Variants in AADAC observed in about 807,000 individuals in gnomAD.
AADAC encodes arylacetamide deacetylase (esterase).
A neutral mutation model predicts 22.7 loss-of-function variants in AADAC; 17 were observed. The observed-to-expected ratio is 0.75, with a 90% CI of 0.51 to 1.12. AADAC has a LOEUF of 1.12. Ranked by LOEUF, AADAC falls within the 50% of genes most tolerant of loss-of-function variation. The probability of loss-of-function intolerance (pLI) is 0.00; values close to 1 mark genes in which losing one functional copy is unlikely to be tolerated. For missense variants in AADAC, 465 were observed against 473.9 expected, an observed-to-expected ratio of 0.98 and a Z score of 0.17; for synonymous variants, 167 against 176.3, an observed-to-expected ratio of 0.95 and a Z score of 0.42.
rs1299609957 is a variant in AADAC at position 151,824,651 on chromosome 3, TTC to T, written c.432-6_432-5del. ...AACAAAAAAATGTGTAAACTATGTTTTCTCTCTACAGCTACAGATTAGCACCT... is the reference window on the plus strand; with the variant it reads ...AACAAAAAAATGTGTAAACTATGTTTTCTCTACAGCTACAGATTAGCACCT... On this transcript the variant is annotated splice_polypyrimidine_tract_variant and intron_variant, in intron 3 of 4. Coordinates refer to ENST00000232892, the MANE Select transcript of AADAC (RefSeq NM_001086.3). The T allele has an allele frequency of 4.7e-6, 7 of 1,497,880 alleles. No homozygotes were observed. The highest frequency in any genetic ancestry group is 6.2e-6 in the Non-Finnish European group (7 of 1,124,510). 92.8% of individuals were successfully genotyped at this position (1,497,880 alleles called of 1,614,324 possible). A position where few individuals can be genotyped will look rare whatever the true frequency, so the allele number is the denominator to read the frequency against.
intron 1 of AADAC, 85 bp from the exon 2 acceptor site, chr3:151,817,281 A>G (rs139951223): frequency 8.7e-7 from 1 of 1,151,872 alleles, no homozygotes; most frequent in African/African-American, 1.5e-5. Flanking sequence ...TGAGTTTATT[A>G]AGGGTTAATG....
At chr3:151,815,984 G>C (rs1323636644) in intron 1 of AADAC, among the ~76,000 whole-genome samples, 4 of 152,022 alleles carry the variant, frequency 2.6e-5, no homozygotes, top group Non-Finnish European at 5.9e-5. Context: ...TCATTTACTA[G>C]TTGTGTAGGC....
Position 151,817,393 on chromosome 3 carries a change from C to T in AADAC, c.166C>T (p.His56Tyr). 2 of 1,613,582 alleles carry T rather than the reference C, an allele frequency of 1.2e-6. No homozygotes were observed. Among genetic ancestry groups the T allele is most frequent in the Non-Finnish European group, 1.7e-6 (2 of 1,179,558 alleles). The change falls in exon 2 of 5, where the codon CAC becomes TAC. Residue 56 changes from histidine (H) to tyrosine (Y), a missense_variant. By Grantham distance (83) the His-to-Tyr change is moderately conservative (BLOSUM62 2). Transcript: ENST00000232892. ...TACATTTGTGGAGCTCCTGGGACTT[C>T]ACCATTTTATGGATTCCTTTAAGGT... The part of the protein sequence containing the change: ...LATFVELLGL[H>Y]HFMDSFKVVG...
chr3:151,824,966 A>C, intron 4 of AADAC, 132 bp downstream of exon 4: 1 of 485,698 alleles, frequency 2.1e-6, no homozygotes. Context: ...TGAAACTATT[A>C]AAGAGAATAT....
At chr3:151,823,533 AT>A (rs1393528312) in intron 3 of AADAC, among the ~76,000 whole-genome samples, 2 of 151,970 alleles carry the variant, frequency 1.3e-5, no homozygotes, top group Non-Finnish European at 2.9e-5. Context: ...TACTGTATAC[AT>A]CAGGAAAATA....
chr3:151,816,883 A>C (rs1036310211), intron 1 of AADAC, among the ~76,000 whole-genome samples: 15 of 151,944 alleles, frequency 9.9e-5, no homozygotes, highest in African/African-American at 3.4e-4. Context: ...TGGTCTTGTT[A>C]TATAGATGGA....
chr3:151,824,576 G>T (rs1716392623), intron 3 of AADAC, 87 bp from the exon 4 acceptor site: 11 of 1,119,362 alleles, frequency 9.8e-6, no homozygotes, highest in Non-Finnish European at 1.2e-5. Flanking sequence ...AGTTATTGCG[G>T]TTTTGTCATT....
rs1715877769 is a variant in AADAC at position 151,814,164 on chromosome 3, TG to T, written c.5del (p.Gly2?). On this transcript the variant is annotated frameshift_variant and start_lost, in exon 1 of 5. Transcript: ENST00000232892. LOFTEE classifies it high-confidence loss of function. [M>X]GRKSLYLLIV... ...AGACCAAGAAGCGGGACGTTCACCA[TG>T]GGAAGAAAATCGCTGTACCTTCTGA... 1 of 1,613,308 alleles carries T rather than the reference TG, an allele frequency of 6.2e-7. No homozygotes were observed. Among genetic ancestry groups the T allele is most frequent in the South Asian group, 1.1e-5 (1 of 91,074 alleles).
chr3:151,827,740 T>C lies in AADAC; in HGVS notation c.768T>C (p.Thr256=), dbSNP rs199573687. 109 of 1,613,144 alleles carry C rather than the reference T, an allele frequency of 6.8e-5. 1 individual carries two copies. Among genetic ancestry groups the C allele is most frequent in the Non-Finnish European group, 8.7e-5 (103 of 1,179,510 alleles). The part of the protein sequence containing the change: ...MVRFWSEYFT[T]DRSLEKAMLS... ...GATTCTGGAGTGAATATTTTACCAC[T>C]GATAGATCACTTGAAAAAGCCATGC... The change falls in exon 5 of 5, where the codon ACT becomes ACC. Residue 256 remains threonine (T), a synonymous_variant. Transcript: ENST00000232892.
At chr3:151,819,047 G>A (rs1716121710) in intron 2 of AADAC, among the ~76,000 whole-genome samples, 1 of 151,968 alleles carries the variant, frequency 6.6e-6, no homozygotes, top group African/African-American at 2.4e-5. Context: ...AAAGGTTACA[G>A]GCTTGAAATT....
intron 3 of AADAC, 29 bp downstream of exon 3, chr3:151,820,481 C>T (rs1716196479): frequency 7.1e-7 from 1 of 1,406,000 alleles, no homozygotes. Context: ...GGTTTCCTGG[C>T]CAGATGTCTG....
Position 151,817,575 on chromosome 3 carries a change from C to G in AADAC, c.348C>G (p.Cys116Trp). ...GLFYIHGGGW[C>W]VGSAALSGYD... Reference sequence around the variant, plus strand: ...TTTACATCCATGGTGGAGGCTGGTGCGTGGGAAGTGCTGGTAAGTGAATGC... The same window carrying G: ...TTTACATCCATGGTGGAGGCTGGTGGGTGGGAAGTGCTGGTAAGTGAATGC... Residue 116 changes from cysteine (C) to tryptophan (W), a missense_variant, in exon 2 of 5, where the codon TGC (cysteine) becomes TGG (tryptophan). Coordinates refer to ENST00000232892, the MANE Select transcript of AADAC (RefSeq NM_001086.3). The G allele has an allele frequency of 6.2e-7, 1 of 1,613,200 alleles. No individual in the cohort carries two copies. The highest frequency in any genetic ancestry group is 8.5e-7 in the Non-Finnish European group (1 of 1,179,352).
chr3:151,825,815 T>C lies in AADAC; in HGVS notation c.603+981T>C, dbSNP rs370769677. Among the ~76,000 whole-genome samples the C allele has an allele frequency of 6.3e-4, 96 of 152,110 alleles. 2 individuals are homozygous for C. In the South Asian group the frequency reaches 0.02, roughly 31 times the overall value. ...TAAACATCTAAACTCTTTTCTCATG[T>C]AGTAGTCGCAAAGGAACTATTTTCC... On this transcript the variant is annotated intron_variant, in intron 4 of 4. Transcript: ENST00000232892.
In AADAC at chr3:151,814,371, G is replaced by T. The variant is rs986178993; in HGVS notation, c.138+71G>T. ...TGACCCAGAGAATTAAGTTTTTCAA[G>T]ATTCTATTCTTTTGATTTATTGACT... On this transcript the variant is annotated intron_variant, in intron 1 of 4. Transcript: ENST00000232892. 16 of 1,422,808 alleles carry T rather than the reference G, an allele frequency of 1.1e-5. No individual in the cohort carries two copies. The African/African-American group carries it at 2.0e-4, about 18-fold the overall frequency. 88.1% of individuals were successfully genotyped at this position (1,422,808 alleles called of 1,614,324 possible).
At chr3:151,820,534 T>TTTTTG in intron 3 of AADAC, 82 bp downstream of exon 3, 1 of 1,008,586 alleles carries the variant, frequency 9.9e-7, no homozygotes, top group East Asian at 2.9e-5. Context: ...TTTTTTTTTT[T>TTTTTG]TGTGATGGAG....
intron 1 of AADAC, among the ~76,000 whole-genome samples, chr3:151,815,669 A>C (rs1520136): frequency 0.54 from 81,153 of 151,642 alleles, 22,129 homozygotes; most frequent in African/African-American, 0.56. Context: ...TTAATTAATT[A>C]ATTCATTCAT....
In AADAC at chr3:151,815,592, C is replaced by A. The variant is rs752005640; in HGVS notation, c.138+1292C>A. Among the ~76,000 whole-genome samples, 34 of 151,568 alleles carry A rather than the reference C, an allele frequency of 2.2e-4. 2 individuals carry two copies. Among genetic ancestry groups the A allele is most frequent in the Non-Finnish European group, 4.3e-4 (29 of 67,852 alleles). ...TATGTGAGAGGTCTTTGATTTTTTT[C>A]TTGGAGTCTTTATATTAATTTTTAT... On this transcript the variant is annotated intron_variant, in intron 1 of 4. Transcript: ENST00000232892.
At position 151,828,295 on chromosome 3, in the gene AADAC, A is replaced by T; in HGVS notation, c.*123A>T. ...TCCACATGTAGCATAATTCTTAAAT[A>T]GGCACTTTTCTGTTTTTTTTTTCTT... is the stretch of plus-strand genomic sequence containing the variant. On this transcript the variant is annotated 3_prime_UTR_variant, in exon 5 of 5. Coordinates refer to ENST00000232892, the MANE Select transcript of AADAC (RefSeq NM_001086.3). The T allele has an allele frequency of 2.0e-6, 1 of 500,656 alleles. No homozygotes were observed. Among genetic ancestry groups the T allele is most frequent in the Non-Finnish European group, 3.3e-6 (1 of 307,594 alleles). The allele number at this position is 500,656 out of a possible 1,614,324, so 31.0% of individuals were successfully genotyped here.
chr3:151,817,363 T>C lies in AADAC; in HGVS notation c.139-3T>C, dbSNP rs1716032785. 18 of 1,609,432 alleles carry C rather than the reference T, an allele frequency of 1.1e-5. No individual in the cohort carries two copies. The highest frequency in any genetic ancestry group is 1.4e-5 in the Non-Finnish European group (17 of 1,176,216). On this transcript the variant is annotated splice_region_variant and splice_polypyrimidine_tract_variant and intron_variant, in intron 1 of 4. Transcript: ENST00000232892. ...TCAGGAGGTTTGTGAATTTCATTTT[T>C]AGGCTACATTTGTGGAGCTCCTGGG... is the stretch of plus-strand genomic sequence containing the variant.
Sources: allele counts gnomAD v4.1 joint callset (sites outside exome capture counted in the v4.1 genomes callset), GRCh38; gene constraint gnomAD v4.1.1; transcripts MANE v1.5; gene names NCBI Gene and HGNC (gene_info 2026-07-23, HGNC 2026-07-21).